The following CRISP1 variants were observed in gnomAD, a reference collection of about 807,000 sequenced individuals.
CRISP1 encodes cysteine rich secretory protein 1.
A neutral mutation model predicts 33.1 loss-of-function variants in CRISP1; 44 were observed. The observed-to-expected ratio is 1.33, with a 90% CI of 1.05 to 1.71. The LOEUF (loss-of-function observed/expected upper bound fraction) is 1.71. Ranked by LOEUF, CRISP1 falls within the 40% of genes most tolerant of loss-of-function variation. The probability of loss-of-function intolerance (pLI) is 0.00; values close to 1 mark genes in which losing one functional copy is unlikely to be tolerated. For synonymous variants in CRISP1, 103 were observed against 98.7 expected (o/e 1.04, Z -0.26); for missense variants, 390 against 301.2 (o/e 1.29, Z -2.18).
chr6:49,842,872 A>G (rs1225617752), intron 5 of CRISP1, among the ~76,000 whole-genome samples: 3 of 152,146 alleles, frequency 2.0e-5, no homozygotes, highest in African/African-American at 4.8e-5. Flanking sequence ...GTGGAATGTA[A>G]AATGTTTCTA....
intron 1 of CRISP1, among the ~76,000 whole-genome samples, chr6:49,871,776 C>T (rs1233410309): frequency 3.3e-5 from 5 of 152,062 alleles, no homozygotes; most frequent in Non-Finnish European, 7.4e-5. Context: ...ATATGTGCCA[C>T]ATTTTCTTAA....
At chr6:49,845,763 A>T (rs957523110) in intron 5 of CRISP1, among the ~76,000 whole-genome samples, 4 of 152,132 alleles carry the variant, frequency 2.6e-5, no homozygotes, top group African/African-American at 9.7e-5. Flanking sequence ...GCAAAAGGTG[A>T]TATACACATG....
chr6:49,841,055 T>C, intron 5 of CRISP1, 60 bp from the exon 6 acceptor site: 1 of 1,341,082 alleles, frequency 7.5e-7, no homozygotes, highest in South Asian at 1.2e-5. Flanking sequence ...GACTATAATA[T>C]CCATATTGTC....
At chr6:49,843,843 T>A (rs1270994481) in intron 5 of CRISP1, among the ~76,000 whole-genome samples, 1 of 152,144 alleles carries the variant, frequency 6.6e-6, no homozygotes, top group African/African-American at 2.4e-5. Flanking sequence ...CAGATATAAA[T>A]GAGGGACATG....
chr6:49,849,040 G>A (rs1771270723), intron 3 of CRISP1, among the ~76,000 whole-genome samples: 1 of 152,130 alleles, frequency 6.6e-6, no homozygotes, highest in East Asian at 1.9e-4. Flanking sequence ...CAGAGTATGT[G>A]TTCTTGACTC....
intron 1 of CRISP1, among the ~76,000 whole-genome samples, chr6:49,872,902 A>G (rs1254189315): frequency 1.3e-5 from 2 of 152,020 alleles, no homozygotes; most frequent in Admixed American, 1.3e-4. Flanking sequence ...TTGGTTCCAT[A>G]TGAACTTTAA....
intron 5 of CRISP1, among the ~76,000 whole-genome samples, chr6:49,842,948 T>C (rs779105932): frequency 6.6e-6 from 1 of 152,202 alleles, no homozygotes. Context: ...TCTTCATTCC[T>C]GGAAACAGGA....
At chr6:49,840,817 T>G in intron 6 of CRISP1, 81 bp downstream of exon 6, 1 of 1,059,626 alleles carries the variant, frequency 9.4e-7, no homozygotes, top group East Asian at 2.6e-5. Flanking sequence ...CAAACATTTA[T>G]GCACACAAAA....
At chr6:49,842,602 C>T (rs1488840457) in intron 5 of CRISP1, among the ~76,000 whole-genome samples, 1 of 152,114 alleles carries the variant, frequency 6.6e-6, no homozygotes, top group African/African-American at 2.4e-5. Context: ...CCCCACTGGG[C>T]CTGCTGTCAT....
chr6:49,854,557 A>G (rs1771441469), intron 2 of CRISP1, among the ~76,000 whole-genome samples: 1 of 152,148 alleles, frequency 6.6e-6, no homozygotes, highest in Admixed American at 6.6e-5. Context: ...CTTAAAACAG[A>G]TAAACAAGCA....
At chr6:49,876,634 T>C (rs1027602886) in intron 1 of CRISP1, among the ~76,000 whole-genome samples, 1 of 151,936 alleles carries the variant, frequency 6.6e-6, no homozygotes, top group African/African-American at 2.4e-5. Context: ...AAAATCAACT[T>C]AAATGCCCAT....
chr6:49,836,514 T>G (rs1770800441), intron 7 of CRISP1, among the ~76,000 whole-genome samples: 2 of 150,636 alleles, frequency 1.3e-5, no homozygotes, highest in Non-Finnish European at 2.9e-5. Context: ...TTTTTTTTTA[T>G]TTTTTAGTAG....
At chr6:49,876,622 G>A (rs1034212254) in intron 1 of CRISP1, among the ~76,000 whole-genome samples, 30 of 151,868 alleles carry the variant, frequency 2.0e-4, no homozygotes, top group East Asian at 9.7e-4. Context: ...CAGCAAAGAC[G>A]TAAAATCAAC....
chr6:49,834,289 G>A lies in CRISP1; in HGVS notation c.*1027C>T, dbSNP rs965076252. 6.7e-6 allele frequency: 1 copy of A among 150,316 alleles called. No individual in the cohort carries two copies. The highest frequency in any genetic ancestry group is 6.6e-5 in the Admixed American group (1 of 15,056). 9.3% of individuals were successfully genotyped at this position (150,316 alleles called of 1,614,324 possible). On this transcript the variant is annotated 3_prime_UTR_variant, in exon 8 of 8. Transcript: ENST00000335847. ...TTTTTTTCAAACACTTTATTGAAAT[G>A]AGTAAAGAAATATACAAGTAGGTAG... is the stretch of plus-strand genomic sequence containing the variant.
chr6:49,846,095 G>T (rs1582264235), intron 5 of CRISP1, among the ~76,000 whole-genome samples: 1 of 152,256 alleles, frequency 6.6e-6, no homozygotes, highest in South Asian at 2.1e-4. Context: ...TATTGCCACT[G>T]AACATTCATG....
intron 4 of CRISP1, among the ~76,000 whole-genome samples, chr6:49,847,585 T>C (rs1358243066): frequency 6.6e-6 from 1 of 152,178 alleles, no homozygotes; most frequent in Non-Finnish European, 1.5e-5. Flanking sequence ...CCATGCTTCC[T>C]GTACAGCCCG....
At chr6:49,836,691 T>C (rs1770809352) in intron 7 of CRISP1, among the ~76,000 whole-genome samples, 1 of 152,172 alleles carries the variant, frequency 6.6e-6, no homozygotes, top group Admixed American at 6.5e-5. Flanking sequence ...TTAGTGAATA[T>C]CCTTCTATGC....
intron 2 of CRISP1, 46 bp from the exon 3 acceptor site, chr6:49,852,175 A>T: frequency 6.3e-7 from 1 of 1,585,682 alleles, no homozygotes. Flanking sequence ...TTTAAGTGGA[A>T]TTTGTCACAT....
intron 1 of CRISP1, among the ~76,000 whole-genome samples, chr6:49,859,746 A>T (rs571404567): frequency 7.2e-5 from 11 of 152,298 alleles, no homozygotes; most frequent in African/African-American, 2.4e-4. Flanking sequence ...CCAGAAATCA[A>T]CTAACAAAAT....
Sources: allele counts gnomAD v4.1 joint callset (sites outside exome capture counted in the v4.1 genomes callset), GRCh38; gene constraint gnomAD v4.1.1; transcripts MANE v1.5; gene names NCBI Gene and HGNC (gene_info 2026-07-23, HGNC 2026-07-21).